COG7: variants seen among roughly 807,000 people sequenced by gnomAD.
COG7 encodes conserved oligomeric Golgi complex subunit 7.
A neutral mutation model predicts 91.5 loss-of-function variants in COG7; 49 were observed. That is an observed-to-expected ratio of 0.54 (90% CI 0.43 to 0.68). The LOEUF is 0.68. Ranked by LOEUF, COG7 falls within the 30% of genes least tolerant of loss-of-function variation. COG7 has a pLI of 0.00. For missense variants in COG7, 895 were observed against 961.3 expected (o/e 0.93, Z 0.91); for synonymous variants, 365 against 388.7 (o/e 0.94, Z 0.72).
chr16:23,445,142 A>G lies in COG7; in HGVS notation c.341T>C (p.Val114Ala). Residue 114 changes from valine to alanine, a missense_variant, in exon 3 of 17, where the codon GTG becomes GCG. Val to Ala is a moderately conservative substitution (Grantham distance 64). Transcript: ENST00000307149. ...GGCAGCAAGTTGCATTCTGGACTTC[A>G]CTTGGTCAATTTCTACCAACACCTG... ...SMQVLVEIDQ[V>A]KSRMQLAAES... 1 of 1,614,036 alleles carries G rather than the reference A, an allele frequency of 6.2e-7. No homozygotes were observed. Among genetic ancestry groups the G allele is most frequent in the African/African-American group, 1.3e-5 (1 of 75,018 alleles).
chr16:23,428,354 A>G lies in COG7; in HGVS notation c.811-3407T>C, dbSNP rs1396689957. Among the ~76,000 whole-genome samples, 3 of 151,604 alleles carry G rather than the reference A, an allele frequency of 2.0e-5. No homozygotes were observed. In the Admixed American group the frequency reaches 2.0e-4, roughly 10 times the overall value. On this transcript the variant is annotated intron_variant, in intron 6 of 16. Transcript: ENST00000307149. ...ACAGAGCAAGACTCTGTCTCAAAAA[A>G]TAAAAAATAAAAAATAAAAAAAACC...
intron 6 of COG7, among the ~76,000 whole-genome samples, chr16:23,431,751 G>T (rs1451999381): frequency 6.6e-6 from 1 of 151,252 alleles, no homozygotes; most frequent in Non-Finnish European, 1.5e-5. Context: ...GGAGGTTGCA[G>T]GGAGCCAAGA....
chr16:23,424,000 C>T (rs1963802885), intron 7 of COG7, among the ~76,000 whole-genome samples: 1 of 152,164 alleles, frequency 6.6e-6, no homozygotes, highest in Admixed American at 6.6e-5. Context: ...TGCTGTTGCT[C>T]CTTCAAAAAG....
intron 11 of COG7, among the ~76,000 whole-genome samples, chr16:23,408,644 C>T (rs1963509263): frequency 6.6e-6 from 1 of 152,024 alleles, no homozygotes; most frequent in African/African-American, 2.4e-5. Context: ...GCAGCTGCTG[C>T]TGTTCCTAAC....
intron 4 of COG7, among the ~76,000 whole-genome samples, chr16:23,442,176 A>C (rs973632634): frequency 6.6e-6 from 1 of 152,036 alleles, no homozygotes; most frequent in Non-Finnish European, 1.5e-5. Context: ...TCTATTCAAA[A>C]TACAAAAATT....
At chr16:23,431,459 G>C (rs1023760870) in intron 6 of COG7, among the ~76,000 whole-genome samples, 3 of 152,196 alleles carry the variant, frequency 2.0e-5, no homozygotes, top group Non-Finnish European at 4.4e-5. Flanking sequence ...GTATGGACAT[G>C]AACTGTTTTT....
intron 4 of COG7, among the ~76,000 whole-genome samples, chr16:23,437,303 G>C (rs1416594108): frequency 6.6e-6 from 1 of 152,022 alleles, no homozygotes; most frequent in Non-Finnish European, 1.5e-5. Context: ...AAACAAAAAA[G>C]CTTAAATGCA....
rs1216707778 is a variant in COG7, at chr16:23,418,840, A to G, written c.1010-13T>C. 23 of 1,612,362 alleles carry G rather than the reference A, an allele frequency of 1.4e-5. No homozygotes were observed. Among genetic ancestry groups the G allele is most frequent in the East Asian group, 2.2e-5 (1 of 44,874 alleles). On this transcript the variant is annotated splice_polypyrimidine_tract_variant and intron_variant, in intron 7 of 16. Transcript: ENST00000307149. ...AGATTGTGTTCATCTTTAGGGAATC[A>G]GAAATGTAAAACGATAATGAACAAA...
At chr16:23,409,480 T>C (rs1346720352) in intron 11 of COG7, among the ~76,000 whole-genome samples, 1 of 152,104 alleles carries the variant, frequency 6.6e-6, no homozygotes, top group Non-Finnish European at 1.5e-5. Context: ...TCATTTCACT[T>C]TGTACCACCA....
intron 7 of COG7, among the ~76,000 whole-genome samples, chr16:23,424,252 G>A (rs1310970612): frequency 3.6e-5 from 5 of 138,934 alleles, no homozygotes; most frequent in South Asian, 4.5e-4. Flanking sequence ...AGCCAAGATC[G>A]TACCATTGCA....
intron 6 of COG7, among the ~76,000 whole-genome samples, chr16:23,427,478 GA>G (rs112138310): frequency 2.2e-4 from 30 of 134,684 alleles, no homozygotes; most frequent in South Asian, 9.4e-4. Context: ...TGTCTCAAAA[GA>G]AAAAAAAAAA....
chr16:23,438,952 G>A (rs888289649), intron 4 of COG7, among the ~76,000 whole-genome samples: 4 of 151,920 alleles, frequency 2.6e-5, no homozygotes, highest in African/African-American at 9.7e-5. Context: ...GAGGCCAGGA[G>A]TTCGAGACCA....
At chr16:23,451,846 AT>A (rs1321129970) in intron 1 of COG7, among the ~76,000 whole-genome samples, 2 of 152,092 alleles carry the variant, frequency 1.3e-5, no homozygotes, top group Admixed American at 1.3e-4. Context: ...TACCTATACT[AT>A]AATACGTTTT....
At chr16:23,438,499 G>A (rs1567345270) in intron 4 of COG7, among the ~76,000 whole-genome samples, 5 of 152,000 alleles carry the variant, frequency 3.3e-5, no homozygotes, top group South Asian at 2.1e-4. Flanking sequence ...TCAAGGCTGC[G>A]GTGAGCCATG....
chr16:23,389,493 A>G (rs1451801447), intron 16 of COG7, among the ~76,000 whole-genome samples: 1 of 151,914 alleles, frequency 6.6e-6, no homozygotes. Context: ...ACCCGCCTTC[A>G]GCACCAGTCT....
At chr16:23,432,553 A>T (rs1963951112) in intron 6 of COG7, among the ~76,000 whole-genome samples, 1 of 152,192 alleles carries the variant, frequency 6.6e-6, no homozygotes, top group Non-Finnish European at 1.5e-5. Flanking sequence ...CACACTAGAA[A>T]CAGGCCCAGT....
rs115799253 is a variant in COG7, at chr16:23,417,960, A to G, written c.1137+740T>C. Among the ~76,000 whole-genome samples, 1,222 of 152,280 alleles carry G rather than the reference A, an allele frequency of 8.0e-3. 16 individuals carry two copies. Among genetic ancestry groups the G allele is most frequent in the African/African-American group, 0.028 (1,152 of 41,552 alleles). On this transcript the variant is annotated intron_variant, in intron 8 of 16. Transcript: ENST00000307149. The stretch of plus-strand genomic sequence containing the variant: ...AATATCAATGTACCTCATGCTAGAC[A>G]ACCTTATGACTTGAAAACAAAATAA...
At chr16:23,452,226 G>C (rs1279933638) in intron 1 of COG7, among the ~76,000 whole-genome samples, 1 of 152,200 alleles carries the variant, frequency 6.6e-6, no homozygotes, top group Admixed American at 6.5e-5. Flanking sequence ...GAATTATTTA[G>C]AGAAGAGCTA....
At chr16:23,435,764 G>T (rs569141556) in intron 4 of COG7, among the ~76,000 whole-genome samples, 10 of 152,224 alleles carry the variant, frequency 6.6e-5, no homozygotes, top group Non-Finnish European at 1.2e-4. Flanking sequence ...ATAAACTGCT[G>T]AGAAGGAAAT....
Sources: allele counts gnomAD v4.1 joint callset (sites outside exome capture counted in the v4.1 genomes callset), GRCh38; gene constraint gnomAD v4.1.1; transcripts MANE v1.5; gene names NCBI Gene and HGNC (gene_info 2026-07-23, HGNC 2026-07-21).